The following WDR33 variants were observed in gnomAD, a reference collection of about 807,000 sequenced individuals.
WDR33 encodes the protein pre-mRNA 3' end processing protein WDR33.
WDR33 carries 47 observed loss-of-function variants against 164.9 expected under a neutral mutation model. That is an observed-to-expected ratio of 0.29 (90% confidence interval 0.23 to 0.36). WDR33 has a LOEUF of 0.36. Among genes scored for constraint, WDR33 ranks in the 10% least tolerant of loss-of-function variants. The probability of loss-of-function intolerance (pLI) is 1.00; values close to 1 mark genes in which losing one functional copy is unlikely to be tolerated. For synonymous variants in WDR33, 505 were observed against 589.0 expected (o/e 0.86, Z 2.06); for missense variants, 1,137 against 1,754.1 (o/e 0.65, Z 6.28).
chr2:127,719,216 T>C lies in WDR33; in HGVS notation c.2760+49A>G, dbSNP rs368819080. 5.8e-6 allele frequency: 8 copies of C among 1,387,486 alleles called. No individual in the cohort carries two copies. In the African/African-American group the frequency reaches 1.2e-4, roughly 20 times the overall value. 85.9% of individuals were successfully genotyped at this position (1,387,486 alleles called of 1,614,324 possible). On this transcript the variant is annotated intron_variant, in intron 16 of 21. Transcript: ENST00000322313. This position sits in a 1 kb window ranked among gnomAD's most constrained non-coding sequence, Gnocchi z 6.5. The stretch of plus-strand genomic sequence containing the variant: ...ACAATACTCAGCAGTATTACTTCTG[T>C]GCAGAGTGTATTTTCCCAATGTGCC...
rs1685979346 is a variant in WDR33, at chr2:127,704,960, T to C, written c.*1363A>G. On this transcript the variant is annotated 3_prime_UTR_variant, in exon 22 of 22. Transcript: ENST00000322313. ...CACACAAAAAATTAGCTGGGCATGG[T>C]GGCATATGCCTGTAGTCCTAGCTAC... 6.3e-6 allele frequency: 1 copy of C among 157,638 alleles called. No individual in the cohort carries two copies. Among genetic ancestry groups the C allele is most frequent in the Non-Finnish European group, 1.5e-5 (1 of 68,092 alleles). 9.8% of individuals were successfully genotyped at this position (157,638 alleles called of 1,614,324 possible).
intron 1 of WDR33, among the ~76,000 whole-genome samples, chr2:127,809,562 A>C (rs1264995239): frequency 6.7e-6 from 1 of 150,230 alleles, no homozygotes; most frequent in Non-Finnish European, 1.5e-5. Flanking sequence ...CAGCCTCCCG[A>C]GTAGCTGGGA....
intron 7 of WDR33, among the ~76,000 whole-genome samples, chr2:127,745,605 G>C (rs553126866): frequency 2.0e-4 from 31 of 152,278 alleles, no homozygotes; most frequent in African/African-American, 6.5e-4. Context: ...TTCTAACAAT[G>C]AAGTATCTGA....
At chr2:127,750,160 G>A (rs1039348400) in intron 7 of WDR33, among the ~76,000 whole-genome samples, 1 of 151,930 alleles carries the variant, frequency 6.6e-6, no homozygotes, top group Admixed American at 6.5e-5. Flanking sequence ...TGGTATCAGG[G>A]ACCACAGGCA....
At chr2:127,743,636 G>A (rs567987676) in intron 7 of WDR33, among the ~76,000 whole-genome samples, 3 of 152,230 alleles carry the variant, frequency 2.0e-5, no homozygotes, top group Non-Finnish European at 2.9e-5. Context: ...ACAAACGGCA[G>A]AAGTGGAAAC....
chr2:127,788,396 G>A (rs1428440115), intron 1 of WDR33, among the ~76,000 whole-genome samples: 20 of 107,128 alleles, frequency 1.9e-4, no homozygotes, highest in East Asian at 6.0e-4. Context: ...CTCACCTCCC[G>A]GACGGGGCGG....
rs1000204221 is a variant in WDR33 at position 127,762,568 on chromosome 2, A to C, written c.724+494T>G. Reference sequence around the variant, plus strand: ...GTAAACAAGCAGCAATGCCACCCGAACTTAGTAACAAGCCGGCCATGTAGT... The same window carrying C: ...GTAAACAAGCAGCAATGCCACCCGACCTTAGTAACAAGCCGGCCATGTAGT... On this transcript the variant is annotated intron_variant, in intron 7 of 21. Transcript: ENST00000322313. The C allele has an allele frequency of 2.5e-5, 25 of 981,350 alleles. No homozygotes were observed. The African/African-American group carries it at 4.2e-4, about 16-fold the overall frequency. 60.8% of individuals were successfully genotyped at this position (981,350 alleles called of 1,614,324 possible). A position where few individuals can be genotyped will look rare whatever the true frequency, so the allele number is the denominator to read the frequency against.
rs1687763039 is a variant in WDR33, at chr2:127,764,470, T to G, written c.626+358A>C. The G allele has an allele frequency of 6.8e-7, 1 of 1,467,244 alleles. No homozygotes were observed. The highest frequency in any genetic ancestry group is 9.0e-7 in the Non-Finnish European group (1 of 1,112,374). The allele number at this position is 1,467,244 out of a possible 1,614,324, so 90.9% of individuals were successfully genotyped here. ...AGGCTTTAGATTTTATTCAGTTGCA[T>G]AATTAAAGACTGAATTCTTTATTTG... On this transcript the variant is annotated intron_variant, in intron 6 of 21. Transcript: ENST00000322313. This position sits in a 1 kb window ranked among gnomAD's most constrained non-coding sequence, Gnocchi z 6.2.
At position 127,722,756 on chromosome 2, in the gene WDR33, G is replaced by C; in HGVS notation, c.1379-26C>G. ...CTGTAACCGTAAAGAAAAGTGGTTT[G>C]CCTCTTAAATAAAAGAAATTGGCCA... On this transcript the variant is annotated intron_variant, in intron 13 of 21. Coordinates refer to ENST00000322313, the MANE Select transcript of WDR33 (RefSeq NM_018383.5). The surrounding 1 kb of genome is among the most constrained non-coding windows in gnomAD (Gnocchi z 5.1). 1 of 1,607,322 alleles carries C rather than the reference G, an allele frequency of 6.2e-7. No individual in the cohort carries two copies. The highest frequency in any genetic ancestry group is 8.5e-7 in the Non-Finnish European group (1 of 1,177,368).
chr2:127,765,153 C>T (rs1208949609), intron 5 of WDR33, 21 bp downstream of exon 5: 1 of 1,596,150 alleles, frequency 6.3e-7, no homozygotes, highest in Non-Finnish European at 8.6e-7. Flanking sequence ...GATGATGATA[C>T]CATCTGGTGA....
rs1357434247 is a variant in WDR33, at chr2:127,710,515, G to A, written c.3309-659C>T. Among the ~76,000 whole-genome samples, 1 of 152,134 alleles carries A rather than the reference G, an allele frequency of 6.6e-6. No homozygotes were observed. The highest frequency in any genetic ancestry group is 2.4e-5 in the African/African-American group (1 of 41,426). On this transcript the variant is annotated intron_variant, in intron 18 of 21. Coordinates refer to ENST00000322313, the MANE Select transcript of WDR33 (RefSeq NM_018383.5). This position sits in a 1 kb window ranked among gnomAD's most constrained non-coding sequence, Gnocchi z 4.4. ...GAGTCCACAGCTGATGGGCACACAG[G>A]TCAGCATCTGGTTTACAGGCAGCGA...
intron 1 of WDR33, among the ~76,000 whole-genome samples, chr2:127,782,621 T>C (rs75611528): frequency 0.014 from 2,168 of 152,274 alleles, 63 homozygotes; most frequent in African/African-American, 0.05. Context: ...CGGGAATAAA[T>C]GGATGGTTGC....
chr2:127,788,082 C>T (rs1314386622), intron 1 of WDR33, among the ~76,000 whole-genome samples: 3 of 92,214 alleles, frequency 3.3e-5, no homozygotes, highest in Admixed American at 9.2e-5. Context: ...GACACCCCCA[C>T]CTCCCTCCCG....
intron 18 of WDR33, among the ~76,000 whole-genome samples, chr2:127,711,780 A>ATATATATATATATATATTTTTTT: frequency 1.1e-5 from 1 of 88,308 alleles, no homozygotes; most frequent in Non-Finnish European, 2.0e-5. Flanking sequence ...ATATATATAT[A>ATATATATATATATATATTTTTTT]TTTTTTTTTT....
Position 127,714,126 on chromosome 2 carries a change from T to C in WDR33, c.2870-105A>G, listed in dbSNP as rs1304612729. The C allele has an allele frequency of 8.0e-7, 1 of 1,253,938 alleles. No individual in the cohort carries two copies. Among genetic ancestry groups the C allele is most frequent in the East Asian group, 2.8e-5 (1 of 36,036 alleles). The allele number at this position is 1,253,938 out of a possible 1,614,324, so 77.7% of individuals were successfully genotyped here. A position where few individuals can be genotyped will look rare whatever the true frequency, so the allele number is the denominator to read the frequency against. On this transcript the variant is annotated intron_variant, in intron 17 of 21. Transcript: ENST00000322313. The surrounding 1 kb of genome is among the most constrained non-coding windows in gnomAD (Gnocchi z 4.3). ...TTCAGAATACATTCTTTATTGAGAA[T>C]GTTTTCCCTCCTTGGTTCTCAGCTT... is the stretch of plus-strand genomic sequence containing the variant.
chr2:127,810,890 C>G (rs1689627872), intron 1 of WDR33, 122 bp downstream of exon 1: 1 of 152,860 alleles, frequency 6.5e-6, no homozygotes, highest in Non-Finnish European at 1.5e-5. Context: ...TCTCCCAGTT[C>G]CTCCAACCTG....
In WDR33 at chr2:127,763,800, T is replaced by C. The variant is rs1031967123; in HGVS notation, c.627-641A>G. On this transcript the variant is annotated intron_variant, in intron 6 of 21. Transcript: ENST00000322313. The surrounding 1 kb of genome is among the most constrained non-coding windows in gnomAD (Gnocchi z 4.5). ...AATCTGCTGCAAGAAGGAGTCAGTT[T>C]TTCCCAGCAGTGAAAGATCATCAAG... 29 of 985,604 alleles carry C rather than the reference T, an allele frequency of 2.9e-5. No homozygotes were observed. Among genetic ancestry groups the C allele is most frequent in the Non-Finnish European group, 3.1e-5 (26 of 830,068 alleles). 61.1% of individuals were successfully genotyped at this position (985,604 alleles called of 1,614,324 possible). A position where few individuals can be genotyped will look rare whatever the true frequency, so the allele number is the denominator to read the frequency against.
intron 7 of WDR33, among the ~76,000 whole-genome samples, chr2:127,740,193 G>T (rs1281728478): frequency 6.6e-6 from 1 of 152,166 alleles, no homozygotes; most frequent in Non-Finnish European, 1.5e-5. Context: ...TACTTGTGGT[G>T]TGAATGTCTG....
At chr2:127,792,354 G>A (rs1189358260) in intron 1 of WDR33, among the ~76,000 whole-genome samples, 1 of 151,690 alleles carries the variant, frequency 6.6e-6, no homozygotes, top group East Asian at 2.0e-4. Context: ...AAACTGAGAT[G>A]TTTATTAGCA....
Sources: gnomAD v4.1 joint callset for allele counts (sites outside exome capture counted in the v4.1 genomes callset) on GRCh38, gnomAD v4.1.1 for gene constraint, Gnocchi (gnomAD v3.1) non-coding constraint, MANE v1.5 for transcripts, NCBI Gene and HGNC (gene_info 2026-07-23, HGNC 2026-07-21) for gene names.